The following PLCXD3 variants were observed in gnomAD, a reference collection of about 807,000 sequenced individuals.
PLCXD3 encodes phosphatidylinositol specific phospholipase C X domain containing 3.
PLCXD3 carries 19 observed loss-of-function variants against 25.5 expected under a neutral mutation model. The ratio of observed to expected loss-of-function variants is 0.75; its 90% CI spans 0.52 to 1.09. The LOEUF is 1.09. Among genes scored for constraint, PLCXD3 ranks in the 50% least tolerant of loss-of-function variants. The pLI is 0.00. For missense variants in PLCXD3, 411 were observed against 388.1 expected, an observed-to-expected ratio of 1.06 and a Z score of -0.50; for synonymous variants, 174 against 137.6, an observed-to-expected ratio of 1.26 and a Z score of -1.85.
intron 2 of PLCXD3, among the ~76,000 whole-genome samples, chr5:41,368,797 T>C (rs1178380417): frequency 1.3e-5 from 2 of 152,218 alleles, no homozygotes; most frequent in Non-Finnish European, 2.9e-5. Context: ...GAGATAATCA[T>C]GTGCTTTTTG....
Position 41,463,061 on chromosome 5 carries a change from A to C in PLCXD3, c.103+47363T>G, listed in dbSNP as rs565970286. The stretch of plus-strand genomic sequence containing the variant: ...AGTAGGAAAATGAATGAAAAGTAAG[A>C]AACTAGAAATAGCATTATGTAGGAC... On this transcript the variant is annotated intron_variant, in intron 1 of 2. Transcript: ENST00000377801. Among the ~76,000 whole-genome samples the C allele has an allele frequency of 8.0e-4, 121 of 152,178 alleles. 1 individual carries two copies. Among genetic ancestry groups the C allele is most frequent in the Middle Eastern group, 6.8e-3 (2 of 294 alleles).
intron 1 of PLCXD3, among the ~76,000 whole-genome samples, chr5:41,432,982 G>A (rs924373457): frequency 6.6e-6 from 1 of 152,152 alleles, no homozygotes; most frequent in African/African-American, 2.4e-5. Flanking sequence ...ATGTCACGAA[G>A]AACTTGACCT....
At chr5:41,466,273 C>T (rs955592520) in intron 1 of PLCXD3, among the ~76,000 whole-genome samples, 5 of 151,842 alleles carry the variant, frequency 3.3e-5, no homozygotes, top group Non-Finnish European at 7.4e-5. Flanking sequence ...AGAAAAAGTA[C>T]ATTAAAATGC....
chr5:41,426,821 AG>A (rs1746966181), intron 1 of PLCXD3, among the ~76,000 whole-genome samples: 1 of 152,078 alleles, frequency 6.6e-6, no homozygotes, highest in African/African-American at 2.4e-5. Context: ...AGGATTGCTG[AG>A]TGATCAGTTC....
chr5:41,345,247 T>G (rs2197422), intron 2 of PLCXD3, among the ~76,000 whole-genome samples: 43,346 of 152,028 alleles, frequency 0.29, 7,374 homozygotes, highest in African/African-American at 0.47. Context: ...CAAGACAAAA[T>G]AACTTGAGAG....
chr5:41,447,196 T>C (rs1452962797), intron 1 of PLCXD3, among the ~76,000 whole-genome samples: 1 of 152,204 alleles, frequency 6.6e-6, no homozygotes, highest in African/African-American at 2.4e-5. Flanking sequence ...AATTTGGTCA[T>C]GTTAATAGAG....
At chr5:41,363,072 G>A (rs79011953) in intron 2 of PLCXD3, among the ~76,000 whole-genome samples, 1,861 of 152,280 alleles carry the variant, frequency 0.012, 51 homozygotes, top group African/African-American at 0.043. Context: ...GGGGACAACT[G>A]CCTTTTCAGA....
intron 2 of PLCXD3, among the ~76,000 whole-genome samples, chr5:41,322,847 AC>A (rs1743515379): frequency 6.6e-6 from 1 of 151,914 alleles, no homozygotes; most frequent in African/African-American, 2.4e-5. Flanking sequence ...TGTGATGTGC[AC>A]CTGTAGTCCC....
At chr5:41,464,314 A>G (rs181127882) in intron 1 of PLCXD3, among the ~76,000 whole-genome samples, 4 of 152,104 alleles carry the variant, frequency 2.6e-5, no homozygotes, top group African/African-American at 4.8e-5. Flanking sequence ...AGAAATAAAC[A>G]TCAGTGAGTT....
chr5:41,348,486 C>T (rs1744363626), intron 2 of PLCXD3, among the ~76,000 whole-genome samples: 1 of 152,136 alleles, frequency 6.6e-6, no homozygotes, highest in Admixed American at 6.6e-5. Context: ...ATAGGTAGCA[C>T]TCTAGCTTAA....
intron 1 of PLCXD3, among the ~76,000 whole-genome samples, chr5:41,428,340 T>C (rs1333168732): frequency 6.6e-6 from 1 of 151,294 alleles, no homozygotes; most frequent in East Asian, 1.9e-4. Flanking sequence ...TACCTCAGAA[T>C]AGGGTCTTTA....
At chr5:41,507,567 T>C (rs1749074098) in intron 1 of PLCXD3, among the ~76,000 whole-genome samples, 1 of 152,232 alleles carries the variant, frequency 6.6e-6, no homozygotes, top group African/African-American at 2.4e-5. Flanking sequence ...ACACCGGAAC[T>C]GTGCTCTGGT....
rs548251954 is a variant in PLCXD3, at chr5:41,319,744, AAAG to A, written c.813-5977_813-5975del. Among the ~76,000 whole-genome samples the A allele has an allele frequency of 2.4e-3, 370 of 152,250 alleles. 2 individuals carry two copies. The highest frequency in any genetic ancestry group is 7.9e-3 in the African/African-American group (327 of 41,572). On this transcript the variant is annotated intron_variant, in intron 2 of 2. Coordinates refer to ENST00000377801, the MANE Select transcript of PLCXD3 (RefSeq NM_001005473.3). Reference sequence around the variant, plus strand: ...AACCAAACCCCAAATTAGTAGAAGAAAAGAAATAATAAAGATCAGAGTGGTAAT... The same window carrying A: ...AACCAAACCCCAAATTAGTAGAAGAAAAATAATAAAGATCAGAGTGGTAAT...
At chr5:41,474,439 C>T (rs1027712124) in intron 1 of PLCXD3, among the ~76,000 whole-genome samples, 2 of 152,164 alleles carry the variant, frequency 1.3e-5, no homozygotes, top group African/African-American at 4.8e-5. Context: ...CAATGGTATA[C>T]TGAATTGATC....
chr5:41,452,528 C>T (rs549043508), intron 1 of PLCXD3, among the ~76,000 whole-genome samples: 3 of 151,988 alleles, frequency 2.0e-5, no homozygotes, highest in East Asian at 3.9e-4. Flanking sequence ...ACCTTAGACT[C>T]CAAACAAAAC....
chr5:41,475,596 G>A (rs757681788), intron 1 of PLCXD3: 7 of 534,094 alleles, frequency 1.3e-5, no homozygotes, highest in South Asian at 8.4e-5. Flanking sequence ...GCCTCTTCAG[G>A]TCCCTTCAGG....
intron 2 of PLCXD3, among the ~76,000 whole-genome samples, chr5:41,351,656 A>C (rs1744463037): frequency 6.6e-6 from 1 of 152,206 alleles, no homozygotes; most frequent in African/African-American, 2.4e-5. Context: ...TTCTATAAGA[A>C]GAGTGATTAA....
chr5:41,479,362 G>A (rs747909520), intron 1 of PLCXD3, among the ~76,000 whole-genome samples: 3 of 152,044 alleles, frequency 2.0e-5, no homozygotes, highest in Non-Finnish European at 4.4e-5. Context: ...GTGTTTGATT[G>A]GTATAGAGTT....
At chr5:41,365,309 C>T (rs1021776916) in intron 2 of PLCXD3, among the ~76,000 whole-genome samples, 1 of 152,104 alleles carries the variant, frequency 6.6e-6, no homozygotes, top group Non-Finnish European at 1.5e-5. Context: ...ATTGCCATGT[C>T]GCAATGAAAG....
Sources: gnomAD v4.1 joint callset for allele counts (sites outside exome capture counted in the v4.1 genomes callset) on GRCh38, gnomAD v4.1.1 for gene constraint, MANE v1.5 for transcripts, NCBI Gene and HGNC (gene_info 2026-07-23, HGNC 2026-07-21) for gene names.